Variants in PCK1 observed in about 807,000 individuals in gnomAD.
PCK1 encodes phosphoenolpyruvate carboxykinase, cytosolic [GTP].
A neutral mutation model predicts 50.3 loss-of-function variants in PCK1; 44 were observed. The ratio of observed to expected loss-of-function variants is 0.87; its 90% CI spans 0.69 to 1.12. The LOEUF is 1.12. Among genes scored for constraint, PCK1 ranks in the 50% most tolerant of loss-of-function variants. The pLI, the probability that PCK1 is intolerant of heterozygous loss-of-function variation, is 0.00. For synonymous variants in PCK1, 332 were observed against 314.3 expected (o/e 1.06, Z -0.59); for missense variants, 790 against 815.0 (o/e 0.97, Z 0.37).
rs1804160 is a variant in PCK1 at position 57,564,309 on chromosome 20, G to A, written c.1102G>A (p.Val368Ile). 57,369 of 1,613,944 alleles carry A rather than the reference G, an allele frequency of 0.036. 1,243 individuals are homozygous for A. The highest frequency in any genetic ancestry group is 0.042 in the Non-Finnish European group (49,876 of 1,179,864). Residue 368 changes from valine (V) to isoleucine (I), a missense_variant, in exon 7 of 10, where the codon GTT becomes ATT. Val to Ile is a conservative substitution (Grantham distance 29). Coordinates refer to ENST00000319441, the MANE Select transcript of PCK1 (RefSeq NM_002591.4). ...TGTGGCCGAGACCAGCGACGGGGGCGTTTACTGGGAAGGCATTGATGAGCC... is the reference window on the plus strand; with the variant it reads ...TGTGGCCGAGACCAGCGACGGGGGCATTTACTGGGAAGGCATTGATGAGCC... ...TNVAETSDGG[V>I]YWEGIDEPLA... is the part of the protein sequence containing the mutation.
intron 3 of PCK1, 118 bp downstream of exon 3, chr20:57,562,370 T>C (rs2070154582): frequency 9.4e-6 from 8 of 851,658 alleles, no homozygotes; most frequent in Non-Finnish European, 1.4e-5. Flanking sequence ...TGTCTTTCAG[T>C]TCCATACATG....
chr20:57,563,928 G>A, intron 6 of PCK1: 1 of 615,352 alleles, frequency 1.6e-6, no homozygotes, highest in South Asian at 2.1e-5. Context: ...GCCATATGTT[G>A]CTGTTTGTTT....
At position 57,561,690 on chromosome 20, in the gene PCK1, G is replaced by A. The variant is rs533280780; in HGVS notation, c.224+55G>A. ...CACCCTGCAGGCAGGGCTCCCCTGC[G>A]TCTCCTGGGAGTTGGTGGAGAAAGG... On this transcript the variant is annotated intron_variant, in intron 2 of 9. Transcript: ENST00000319441. 41 of 1,229,648 alleles carry A rather than the reference G, an allele frequency of 3.3e-5. 1 individual carries two copies. In the East Asian group the frequency reaches 6.7e-4, roughly 20 times the overall value. The allele number at this position is 1,229,648 out of a possible 1,614,324, so 76.2% of individuals were successfully genotyped here.
At chr20:57,561,820 T>C (rs940004483) in intron 2 of PCK1, 185 bp downstream of exon 2, 16 of 611,390 alleles carry the variant, frequency 2.6e-5, no homozygotes, top group Non-Finnish European at 4.0e-5. Flanking sequence ...GCCCAAGCTT[T>C]AAATGAGGTG....
rs1046238204 is a variant in PCK1 at position 57,566,543 on chromosome 20, C to A, written c.*739C>A. On this transcript the variant is annotated 3_prime_UTR_variant, in exon 10 of 10. Transcript: ENST00000319441. ...ATATCTTGTGATTTAAATCCTGCCC[C>A]CTCCCCAAGAAGGTGGGGACGTTCA... 6.6e-6 allele frequency: 1 copy of A among 152,082 alleles called. No homozygotes were observed. The highest frequency in any genetic ancestry group is 1.5e-5 in the Non-Finnish European group (1 of 68,022). The allele number at this position is 152,082 out of a possible 1,614,324, so 9.4% of individuals were successfully genotyped here.
rs1001887651 is a variant in PCK1, at chr20:57,566,050, T to A, written c.*246T>A. ...CCAAAAATTCACATCCAATGCATAG[T>A]TTGTTCAAATTTAAGGTTACTCAGG... On this transcript the variant is annotated 3_prime_UTR_variant, in exon 10 of 10. Coordinates refer to ENST00000319441, the MANE Select transcript of PCK1 (RefSeq NM_002591.4). The A allele has an allele frequency of 2.2e-6, 1 of 464,916 alleles. No homozygotes were observed. The highest frequency in any genetic ancestry group is 3.9e-5 in the Admixed American group (1 of 25,628). The allele number at this position is 464,916 out of a possible 1,614,324, so 28.8% of individuals were successfully genotyped here. A position where few individuals can be genotyped will look rare whatever the true frequency, so the allele number is the denominator to read the frequency against.
At chr20:57,563,378 C>A in intron 5 of PCK1, 163 bp downstream of exon 5, 1 of 718,098 alleles carries the variant, frequency 1.4e-6, no homozygotes, top group Non-Finnish European at 2.3e-6. Flanking sequence ...ATATACATCG[C>A]TTTTGAAGGC....
chr20:57,562,977 C>T (rs1157161520), intron 4 of PCK1, 51 bp from the exon 5 acceptor site: 5 of 1,579,690 alleles, frequency 3.2e-6, no homozygotes, highest in African/African-American at 2.8e-5. Context: ...GCCTCGGGGA[C>T]CCCCAAGCAG....
Position 57,565,501 on chromosome 20 carries a change from A to G in PCK1, c.1566A>G (p.Glu522=), listed in dbSNP as rs918852913. 2.5e-6 allele frequency: 4 copies of G among 1,614,136 alleles called. No homozygotes were observed. The highest frequency in any genetic ancestry group is 3.4e-6 in the Non-Finnish European group (4 of 1,180,050). The change falls in exon 10 of 10, where the codon GAA becomes GAG. Residue 522 remains glutamate, a synonymous_variant. Coordinates refer to ENST00000319441, the MANE Select transcript of PCK1 (RefSeq NM_002591.4). ...TCAACTGGTTCCGGAAGGACAAGGA[A>G]GGCAAATTCCTCTGGCCAGGCTTTG... is the stretch of plus-strand genomic sequence containing the variant. The part of the protein sequence containing the change: ...FHVNWFRKDK[E]GKFLWPGFGE...
chr20:57,564,164 T>G lies in PCK1; in HGVS notation c.962-5T>G. ...CTACTGCTTCTCTGGTTTAAAACTC[T>G]CCAGGTCATTTAAGGGCCATCAACC... On this transcript the variant is annotated splice_region_variant and splice_polypyrimidine_tract_variant and intron_variant, in intron 6 of 9. Coordinates refer to ENST00000319441, the MANE Select transcript of PCK1 (RefSeq NM_002591.4). The G allele has an allele frequency of 6.2e-7, 1 of 1,606,200 alleles. No homozygotes were observed. The highest frequency in any genetic ancestry group is 8.5e-7 in the Non-Finnish European group (1 of 1,173,214).
In PCK1 at chr20:57,563,315, G is replaced by T. The variant is rs181556711; in HGVS notation, c.798+100G>T. On this transcript the variant is annotated intron_variant, in intron 5 of 9. Transcript: ENST00000319441. ...CACCCGTCAGCACACCTCTCTGAGC[G>T]TGCAGGTTCCCGGACAGATCGGGAA... is the stretch of plus-strand genomic sequence containing the variant. The T allele has an allele frequency of 7.0e-6, 8 of 1,151,020 alleles. No individual in the cohort carries two copies. The Admixed American group carries it at 1.5e-4, about 22-fold the overall frequency. 71.3% of individuals were successfully genotyped at this position (1,151,020 alleles called of 1,614,324 possible).
At chr20:57,564,992 A>C (rs2070189248) in intron 8 of PCK1, 48 bp from the exon 9 acceptor site, 1 of 1,381,832 alleles carries the variant, frequency 7.2e-7, no homozygotes, top group African/African-American at 1.4e-5. Flanking sequence ...GTGGAGTCTG[A>C]ATTTCAAAGC....
chr20:57,562,323 T>G (rs1310641688), intron 3 of PCK1, 71 bp downstream of exon 3: 3 of 1,309,118 alleles, frequency 2.3e-6, no homozygotes, highest in Non-Finnish European at 3.2e-6. Flanking sequence ...ATCCTAATGG[T>G]AATTCAAACA....
In PCK1 at chr20:57,564,206, C is replaced by A. The variant is rs771109436; in HGVS notation, c.999C>A (p.Phe333Leu). The A allele has an allele frequency of 6.2e-7, 1 of 1,613,668 alleles. No individual in the cohort carries two copies. Among genetic ancestry groups the A allele is most frequent in the South Asian group, 1.1e-5 (1 of 91,030 alleles). Reference sequence around the variant, plus strand: ...CCATCAACCCAGAAAATGGCTTTTTCGGTGTCGCTCCTGGGACTTCAGTGA... The same window carrying A: ...CCATCAACCCAGAAAATGGCTTTTTAGGTGTCGCTCCTGGGACTTCAGTGA... Reference protein sequence around the residue: ...LRAINPENGFFGVAPGTSVKT... With the variant: ...LRAINPENGFLGVAPGTSVKT... The change falls in exon 7 of 10, where the codon TTC becomes TTA. Residue 333 changes from phenylalanine (F) to leucine (L), a missense_variant. Phe to Leu is a conservative substitution (Grantham distance 22). Coordinates refer to ENST00000319441, the MANE Select transcript of PCK1 (RefSeq NM_002591.4).
At chr20:57,564,447 A>G in intron 7 of PCK1, 35 bp from the exon 8 acceptor site, 3 of 1,613,980 alleles carry the variant, frequency 1.9e-6, no homozygotes, top group Non-Finnish European at 1.7e-6. Flanking sequence ...TGCCTGTTTG[A>G]GCCAGGCACT....
Position 57,564,620 on chromosome 20 carries a change from C to A in PCK1, c.1318+7C>A. ...GGAGGCCGTAGACCTGCTGGTGAGG[C>A]TCTCCTTCATTTAGGCTGGGAACAT... On this transcript the variant is annotated splice_region_variant and intron_variant, in intron 8 of 9. Transcript: ENST00000319441. The A allele has an allele frequency of 6.3e-7, 1 of 1,577,230 alleles. No homozygotes were observed. The highest frequency in any genetic ancestry group is 8.6e-7 in the Non-Finnish European group (1 of 1,161,204).
At chr20:57,562,645 T>C (rs1474705469) in intron 3 of PCK1, 51 bp from the exon 4 acceptor site, 1 of 1,499,536 alleles carries the variant, frequency 6.7e-7, no homozygotes, top group East Asian at 2.3e-5. Flanking sequence ...GCTGGTCGTG[T>C]TCGAAGTCCA....
rs1283262664 is a variant in PCK1, at chr20:57,565,574, A to G, written c.1639A>G (p.Lys547Glu). ...LEWMFNRIDG[K>E]ASTKLTPIGY... is the part of the protein sequence containing the mutation. ...GTGGATGTTCAACCGGATCGATGGA[A>G]AAGCCAGCACCAAGCTCACGCCCAT... Residue 547 changes from lysine to glutamate, a missense_variant, in exon 10 of 10, where the codon AAA becomes GAA. Lys to Glu is a moderately conservative substitution (Grantham distance 56). Transcript: ENST00000319441. 7 of 1,614,050 alleles carry G rather than the reference A, an allele frequency of 4.3e-6. No homozygotes were observed. Among genetic ancestry groups the G allele is most frequent in the Non-Finnish European group, 5.1e-6 (6 of 1,180,024 alleles).
intron 2 of PCK1, 198 bp from the exon 3 acceptor site, chr20:57,561,873 A>G (rs1470321234): frequency 9.8e-6 from 6 of 612,376 alleles, no homozygotes; most frequent in Non-Finnish European, 1.7e-5. Context: ...ATTAAAAAAA[A>G]GGCAGCCCCT....
Sources: allele counts gnomAD v4.1 joint callset, GRCh38; gene constraint gnomAD v4.1.1; transcripts MANE v1.5; gene names NCBI Gene and HGNC (gene_info 2026-07-23, HGNC 2026-07-21).